The following ASAP1 variants were observed in gnomAD, a reference collection of about 807,000 sequenced individuals.
The protein encoded by ASAP1 is arf-GAP with SH3 domain, ANK repeat and PH domain-containing protein 1.
Under a neutral mutation model 145.2 loss-of-function variants are expected in ASAP1, and 43 were observed. That is an observed-to-expected ratio of 0.30 (90% CI 0.23 to 0.38). The LOEUF is 0.38. ASAP1 is among the 10% of genes least tolerant of loss of function. ASAP1 has a pLI of 1.00. For synonymous variants in ASAP1, 546 were observed against 515.5 expected (o/e 1.06, Z -0.80); for missense variants, 1,018 against 1,355.3 (o/e 0.75, Z 3.91).
intron 3 of ASAP1, among the ~76,000 whole-genome samples, chr8:130,345,969 CTG>C (rs1228164135): frequency 6.6e-6 from 1 of 152,118 alleles, no homozygotes; most frequent in Non-Finnish European, 1.5e-5. Flanking sequence ...AATTTAGTAA[CTG>C]TGGGTTTTTC....
intron 2 of ASAP1, among the ~76,000 whole-genome samples, chr8:130,368,656 C>T (rs2138262743): frequency 6.6e-6 from 1 of 152,344 alleles, no homozygotes; most frequent in African/African-American, 2.4e-5. Context: ...TGCTAGGATA[C>T]AGAGGAATAT....
Position 130,276,728 on chromosome 8 carries a change from A to ACACACACTCTCTCT in ASAP1, c.187-39735_187-39734insAGAGAGAGTGTGTG, listed in dbSNP as rs548512902. ...CACACACACACACACACACACACAC[A>ACACACACTCTCTCT]CTCTCTCTCTCTCTCTCTCTCTCTC... On this transcript the variant is annotated intron_variant, in intron 3 of 29. Transcript: ENST00000518721. Among the ~76,000 whole-genome samples the ACACACACTCTCTCT allele has an allele frequency of 7.5e-3, 655 of 87,280 alleles. 7 individuals are homozygous for ACACACACTCTCTCT. Among genetic ancestry groups the ACACACACTCTCTCT allele is most frequent in the South Asian group, 0.013 (23 of 1,712 alleles). The allele number at this position is 87,280 out of a possible 152,430, so 57.3% of individuals were successfully genotyped here. A position where few individuals can be genotyped will look rare whatever the true frequency, so the allele number is the denominator to read the frequency against.
At chr8:130,187,092 T>C (rs1814784585) in intron 7 of ASAP1, 144 bp downstream of exon 7, 2 of 668,002 alleles carry the variant, frequency 3.0e-6, no homozygotes, top group South Asian at 1.9e-5. Context: ...AAGGATATGC[T>C]AGAGGATATA....
At chr8:130,163,132 G>A (rs989543627) in intron 11 of ASAP1, 7 of 160,842 alleles carry the variant, frequency 4.4e-5, no homozygotes, top group African/African-American at 1.7e-4. Context: ...ACATGTGGCA[G>A]GAAAACAAAA....
chr8:130,288,726 A>C (rs1189053907), intron 3 of ASAP1, among the ~76,000 whole-genome samples: 2 of 152,250 alleles, frequency 1.3e-5, no homozygotes, highest in Non-Finnish European at 2.9e-5. Flanking sequence ...CTGTGGAAGC[A>C]CAGGTAATCT....
chr8:130,360,126 G>C (rs1311887442), intron 2 of ASAP1, among the ~76,000 whole-genome samples: 1 of 152,206 alleles, frequency 6.6e-6, no homozygotes, highest in African/African-American at 2.4e-5. Context: ...CAAGGCCCCT[G>C]CTCTCATGAA....
chr8:130,415,574 G>A lies in ASAP1; in HGVS notation c.-27-13604C>T, dbSNP rs1195652636. On this transcript the variant is annotated intron_variant, in intron 1 of 29. Transcript: ENST00000518721. ...AGGCTGAGGCTGGTGGATCACCTGA[G>A]GTCAGGAGTTCAAGACCAGCCTGGC... 5.3e-5 allele frequency among the ~76,000 whole-genome samples: 8 copies of A among 152,282 alleles called. No homozygotes were observed. In the South Asian group the frequency reaches 1.2e-3, roughly 24 times the overall value.
intron 3 of ASAP1, among the ~76,000 whole-genome samples, chr8:130,292,415 C>G (rs1293135878): frequency 1.3e-5 from 2 of 152,180 alleles, no homozygotes; most frequent in Non-Finnish European, 2.9e-5. Context: ...GCCCCCCAAT[C>G]CCATCCCAGA....
intron 18 of ASAP1, among the ~76,000 whole-genome samples, chr8:130,120,840 G>T (rs901895160): frequency 1.3e-5 from 2 of 152,102 alleles, no homozygotes; most frequent in African/African-American, 2.4e-5. Context: ...ATAGTCCCCT[G>T]GCAATTTAAT....
chr8:130,205,588 C>T (rs1417676184), intron 5 of ASAP1, among the ~76,000 whole-genome samples: 5 of 120,006 alleles, frequency 4.2e-5, no homozygotes, highest in African/African-American at 9.3e-5. Flanking sequence ...ATAAAATACA[C>T]GGCTTTTTTT....
intron 5 of ASAP1, among the ~76,000 whole-genome samples, chr8:130,210,072 T>C (rs1039894317): frequency 3.3e-5 from 5 of 152,218 alleles, no homozygotes; most frequent in African/African-American, 1.2e-4. Flanking sequence ...GAAGTTTTTA[T>C]GTAGTATCAA....
intron 17 of ASAP1, among the ~76,000 whole-genome samples, chr8:130,124,664 AT>A (rs1286238577): frequency 3.1e-4 from 47 of 152,206 alleles, no homozygotes; most frequent in Admixed American, 3.1e-3. Context: ...TTCTAAGAAA[AT>A]TTGTTCTGAA....
intron 3 of ASAP1, among the ~76,000 whole-genome samples, chr8:130,255,408 C>T (rs890359566): frequency 6.6e-6 from 1 of 152,114 alleles, no homozygotes; most frequent in Non-Finnish European, 1.5e-5. Flanking sequence ...TTATGTGCAA[C>T]CTGTATTCTG....
At chr8:130,375,241 C>A (rs1326263960) in intron 2 of ASAP1, among the ~76,000 whole-genome samples, 2 of 152,034 alleles carry the variant, frequency 1.3e-5, no homozygotes, top group Non-Finnish European at 2.9e-5. Context: ...ATCCCCCAGG[C>A]GTTAGGAGGA....
intron 1 of ASAP1, among the ~76,000 whole-genome samples, chr8:130,424,168 G>T (rs1296359020): frequency 6.6e-6 from 1 of 152,196 alleles, no homozygotes; most frequent in African/African-American, 2.4e-5. Flanking sequence ...CAATAAATGT[G>T]AGCTGAGCTT....
At chr8:130,364,066 T>A (rs11984555) in intron 2 of ASAP1, among the ~76,000 whole-genome samples, 79,832 of 151,892 alleles carry the variant, frequency 0.53, 21,731 homozygotes, top group African/African-American at 0.67. Context: ...TAATAATAAT[T>A]AAAAAAAGCC....
chr8:130,414,002 G>A lies in ASAP1; in HGVS notation c.-27-12032C>T, dbSNP rs562318940. ...CTGCTGTAAGGCAGACAGGTGAATC[G>A]ATGATTGCTGGTACCTGCAAGAACA... On this transcript the variant is annotated intron_variant, in intron 1 of 29. Coordinates refer to ENST00000518721, the MANE Select transcript of ASAP1 (RefSeq NM_018482.4). 1.8e-4 allele frequency among the ~76,000 whole-genome samples: 28 copies of A among 152,258 alleles called. No individual in the cohort carries two copies. In the East Asian group the frequency reaches 4.4e-3, roughly 24 times the overall value.
At chr8:130,370,475 C>T (rs1409715886) in intron 2 of ASAP1, among the ~76,000 whole-genome samples, 1 of 152,196 alleles carries the variant, frequency 6.6e-6, no homozygotes, top group Non-Finnish European at 1.5e-5. Context: ...GAGAGAAATA[C>T]ATTTGTTGTT....
At chr8:130,355,822 G>C (rs1255925701) in intron 3 of ASAP1, among the ~76,000 whole-genome samples, 1 of 152,140 alleles carries the variant, frequency 6.6e-6, no homozygotes, top group African/African-American at 2.4e-5. Flanking sequence ...AACCACTCAA[G>C]AGAGTGCAAC....
Sources: gnomAD v4.1 joint callset for allele counts (sites outside exome capture counted in the v4.1 genomes callset) on GRCh38, gnomAD v4.1.1 for gene constraint, MANE v1.5 for transcripts, NCBI Gene and HGNC (gene_info 2026-07-23, HGNC 2026-07-21) for gene names.